ALDH8A1: variants seen among roughly 807,000 people sequenced by gnomAD.
ALDH8A1 encodes the protein aldehyde dehydrogenase 8 family member A1, also known as 2-aminomuconic semialdehyde dehydrogenase.
Under a neutral mutation model 43.3 loss-of-function variants are expected in ALDH8A1, and 39 were observed. The observed-to-expected ratio is 0.90, with a 90% CI of 0.70 to 1.18. The LOEUF (loss-of-function observed/expected upper bound fraction) is 1.18. Among genes scored for constraint, ALDH8A1 ranks in the 50% most tolerant of loss-of-function variants. The pLI, the probability that ALDH8A1 is intolerant of heterozygous loss-of-function variation, is 0.00. For missense variants in ALDH8A1, 605 were observed against 622.6 expected (o/e 0.97, Z 0.30); for synonymous variants, 233 against 243.5 (o/e 0.96, Z 0.40).
chr6:134,935,751 C>T (rs1334988639), intron 4 of ALDH8A1, among the ~76,000 whole-genome samples: 1 of 152,146 alleles, frequency 6.6e-6, no homozygotes, highest in East Asian at 1.9e-4. Context: ...CCCATTTCTT[C>T]CAGAATCTAC....
intron 5 of ALDH8A1, among the ~76,000 whole-genome samples, chr6:134,932,026 C>A (rs1419347757): frequency 6.6e-5 from 10 of 152,184 alleles, no homozygotes; most frequent in African/African-American, 2.4e-4. Flanking sequence ...TTTTTACTCT[C>A]TGTTAAAATA....
chr6:134,929,237 A>G, intron 5 of ALDH8A1, 22 bp from the exon 6 acceptor site: 1 of 1,611,580 alleles, frequency 6.2e-7, no homozygotes, highest in African/African-American at 1.3e-5. Context: ...GAGAACAGGG[A>G]TAAGGCTGCG....
At chr6:134,943,075 C>A (rs530962524) in intron 2 of ALDH8A1, among the ~76,000 whole-genome samples, 1 of 152,212 alleles carries the variant, frequency 6.6e-6, no homozygotes. Context: ...TTGCCCATCA[C>A]ATGCCCTGCA....
In ALDH8A1 at chr6:134,918,512, G is replaced by A; in HGVS notation, c.1367C>T (p.Pro456Leu). The A allele has an allele frequency of 1.9e-6, 3 of 1,614,186 alleles. No homozygotes were observed. The highest frequency in any genetic ancestry group is 2.5e-6 in the Non-Finnish European group (3 of 1,180,044). The change falls in exon 7 of 7, where the codon CCT becomes CTT. Residue 456 changes from proline to leucine, a missense_variant. Physicochemically the swap from Pro to Leu is moderately conservative, Grantham distance 98. Transcript: ENST00000265605. ...TCCAGAACTCTTCATCCCCCCGAAA[G>A]GAAGGTTCAGCTCCCTGATGAGCCA... ...NCWLIRELNL[P>L]FGGMKSSGIG...
chr6:134,929,097 A>G lies in ALDH8A1; in HGVS notation c.968T>C (p.Leu323Pro). 2 of 1,614,210 alleles carry G rather than the reference A, an allele frequency of 1.2e-6. No homozygotes were observed. The highest frequency in any genetic ancestry group is 1.7e-6 in the Non-Finnish European group (2 of 1,180,024). ...KWKVGIPSDP[L>P]VSIGALISKA... Reference sequence around the variant, plus strand: ...ACTTATCAGAGCACCTATGCTCACCAGTGGATCAGAGGGAATGCCGACTTT... The same window carrying G: ...ACTTATCAGAGCACCTATGCTCACCGGTGGATCAGAGGGAATGCCGACTTT... The change falls in exon 6 of 7, where the codon CTG (leucine) becomes CCG (proline). Residue 323 changes from leucine to proline, a missense_variant. Physicochemically the swap from Leu to Pro is moderately conservative, Grantham distance 98 (BLOSUM62 -3). Transcript: ENST00000265605.
At position 134,933,039 on chromosome 6, in the gene ALDH8A1, A is replaced by G. The variant is rs1357746188; in HGVS notation, c.593-7T>C. On this transcript the variant is annotated splice_polypyrimidine_tract_variant and splice_region_variant and intron_variant, in intron 4 of 6. Transcript: ENST00000265605. Reference sequence around the variant, plus strand: ...ACCACACCTGGTGGAACACCTGGATAGGAAACAGTATCAGTTATAGTAATT... The same window carrying G: ...ACCACACCTGGTGGAACACCTGGATGGGAAACAGTATCAGTTATAGTAATT... 1 of 1,547,424 alleles carries G rather than the reference A, an allele frequency of 6.5e-7. No individual in the cohort carries two copies. Among genetic ancestry groups the G allele is most frequent in the Non-Finnish European group, 8.7e-7 (1 of 1,151,292 alleles).
In ALDH8A1 at chr6:134,918,816, C is replaced by T. The variant is rs140383315; in HGVS notation, c.1063G>A (p.Gly355Ser). 3.0e-4 allele frequency: 481 copies of T among 1,614,188 alleles called. 1 individual carries two copies. Among genetic ancestry groups the T allele is most frequent in the South Asian group, 2.3e-3 (206 of 91,082 alleles). ...AGGCTCAACTTATCCACTCCCTCAC[C>T]GCACCAAATTTGGGCACCTTCAGCA... Reference protein sequence around the residue: ...ALAEGAQIWCGEGVDKLSLPA... With the variant: ...ALAEGAQIWCSEGVDKLSLPA... Residue 355 changes from glycine to serine, a missense_variant, in exon 7 of 7, where the codon GGT becomes AGT. By Grantham distance (56) the Gly-to-Ser change is moderately conservative. Transcript: ENST00000265605.
At chr6:134,944,066 T>C (rs1773909821) in intron 1 of ALDH8A1, 100 bp from the exon 2 acceptor site, 1 of 1,371,772 alleles carries the variant, frequency 7.3e-7, no homozygotes, top group South Asian at 1.5e-5. Flanking sequence ...CTCATTTTTG[T>C]TTTGTTTTGT....
chr6:134,939,420 G>C lies in ALDH8A1; in HGVS notation c.443-5C>G. Reference sequence around the variant, plus strand: ...TCCAGGGGCTGATCAGACCAGCTAAGGGATGAGAGCAGAAGCACTGCCTGT... The same window carrying C: ...TCCAGGGGCTGATCAGACCAGCTAACGGATGAGAGCAGAAGCACTGCCTGT... On this transcript the variant is annotated splice_polypyrimidine_tract_variant and splice_region_variant and intron_variant, in intron 3 of 6. Transcript: ENST00000265605. 1 of 1,612,866 alleles carries C rather than the reference G, an allele frequency of 6.2e-7. No homozygotes were observed. The highest frequency in any genetic ancestry group is 8.5e-7 in the Non-Finnish European group (1 of 1,179,908).
chr6:134,940,138 G>T, intron 3 of ALDH8A1: 1 of 328,582 alleles, frequency 3.0e-6, no homozygotes. Context: ...ATAGCTAGGT[G>T]ATGGGTTGAT....
At chr6:134,929,251 A>T (rs1562253559) in intron 5 of ALDH8A1, 36 bp from the exon 6 acceptor site, 1 of 1,603,894 alleles carries the variant, frequency 6.2e-7, no homozygotes, top group Admixed American at 1.7e-5. Context: ...GGCTGCGGAC[A>T]CTCTCCTTCA....
chr6:134,929,232 C>A lies in ALDH8A1; in HGVS notation c.850-17G>T, dbSNP rs931546292. On this transcript the variant is annotated splice_polypyrimidine_tract_variant and intron_variant, in intron 5 of 6. Transcript: ENST00000265605. ...GATTTCACCCTGCCAAGAATGAGAA[C>A]AGGGATAAGGCTGCGGACACTCTCC... is the stretch of plus-strand genomic sequence containing the variant. The A allele has an allele frequency of 1.2e-6, 2 of 1,612,830 alleles. No homozygotes were observed. Among genetic ancestry groups the A allele is most frequent in the Admixed American group, 3.3e-5 (2 of 59,980 alleles).
chr6:134,947,160 G>A (rs1382865679), intron 1 of ALDH8A1, among the ~76,000 whole-genome samples: 4 of 152,116 alleles, frequency 2.6e-5, no homozygotes, highest in African/African-American at 9.7e-5. Context: ...ATGGTGCTGG[G>A]AAAACTGGAT....
At chr6:134,926,904 A>G (rs1776892911) in intron 6 of ALDH8A1, among the ~76,000 whole-genome samples, 1 of 152,094 alleles carries the variant, frequency 6.6e-6, no homozygotes, top group Non-Finnish European at 1.5e-5. Context: ...CACTTGTCAC[A>G]TAATAGGAAA....
rs1343429107 is a variant in ALDH8A1, at chr6:134,943,861, G to A, written c.244C>T (p.Gln82Ter). The change falls in exon 2 of 7, where the codon CAG becomes TAG. Residue 82 changes from glutamine to a stop codon, truncating the protein, a stop_gained. Transcript: ENST00000265605. LOFTEE classifies it high-confidence loss of function. ...VLNQVADLLE[Q>*]SLEEFAQAES... ...GCCTGGGCAAACTCCTCCAGGGACT[G>A]CTCCAGCAAATCCGCCACCTGGTTC... 3.7e-6 allele frequency: 6 copies of A among 1,614,236 alleles called. No homozygotes were observed. In the South Asian group the frequency reaches 5.5e-5, roughly 15 times the overall value.
In ALDH8A1 at chr6:134,918,415, T is replaced by C. The variant is rs371964407; in HGVS notation, c.1464A>G (p.Ter488TrpextTer53). 27 of 1,612,754 alleles carry C rather than the reference T, an allele frequency of 1.7e-5. 2 individuals carry two copies. The Middle Eastern group carries it at 3.3e-3, about 197-fold the overall frequency. ...ATAGTGGCTCCACCATTAGCAAAGA[T>C]CAGTGTTTAACGGTGATGGTTTTGA... ...TEIKTITVKH[*>W] Residue 488 changes from the stop codon to tryptophan (W), a stop_lost, in exon 7 of 7, where the codon TGA becomes TGG. Transcript: ENST00000265605.
At chr6:134,925,031 C>A (rs1309083383) in intron 6 of ALDH8A1, among the ~76,000 whole-genome samples, 1 of 152,044 alleles carries the variant, frequency 6.6e-6, no homozygotes, top group Non-Finnish European at 1.5e-5. Context: ...GAAATTTTTT[C>A]ACTTGTATAT....
Position 134,942,569 on chromosome 6 carries a change from A to G in ALDH8A1, c.287-5T>C. 1 of 1,612,524 alleles carries G rather than the reference A, an allele frequency of 6.2e-7. No individual in the cohort carries two copies. Among genetic ancestry groups the G allele is most frequent in the Non-Finnish European group, 8.5e-7 (1 of 1,178,968 alleles). The stretch of plus-strand genomic sequence containing the variant: ...TTGCCAGTGCTAAGGTTTTCCCTGT[A>G]AGAAGCAAACAACATAAAGCACTAT... On this transcript the variant is annotated splice_region_variant and splice_polypyrimidine_tract_variant and intron_variant, in intron 2 of 6. Transcript: ENST00000265605.
At chr6:134,948,764 C>T (rs969727063) in intron 1 of ALDH8A1, among the ~76,000 whole-genome samples, 4 of 152,144 alleles carry the variant, frequency 2.6e-5, no homozygotes, top group Non-Finnish European at 2.9e-5. Flanking sequence ...TACTAGCTAG[C>T]GCATCCATAG....
Sources: gnomAD v4.1 joint callset for allele counts (sites outside exome capture counted in the v4.1 genomes callset) on GRCh38, gnomAD v4.1.1 for gene constraint, MANE v1.5 for transcripts, NCBI Gene and HGNC (gene_info 2026-07-23, HGNC 2026-07-21) for gene names.